RBMS1: variants seen among roughly 807,000 people sequenced by gnomAD.
RBMS1 encodes RNA-binding motif, single-stranded-interacting protein 1.
Under a neutral mutation model 62.3 loss-of-function variants are expected in RBMS1, and 17 were observed. The observed-to-expected ratio is 0.27, with a 90% CI of 0.19 to 0.41. The LOEUF is 0.41. RBMS1 is among the 10% of genes least tolerant of loss of function. The pLI is 1.00. For synonymous variants in RBMS1, 172 were observed against 170.0 expected (o/e 1.01, Z -0.09); for missense variants, 334 against 504.5 (o/e 0.66, Z 3.24).
At chr2:160,310,503 T>C (rs186518938) in intron 4 of RBMS1, among the ~76,000 whole-genome samples, 2 of 152,330 alleles carry the variant, frequency 1.3e-5, no homozygotes, top group African/African-American at 4.8e-5. Context: ...GGAGTTTGGC[T>C]ATGAAAAATT....
intron 3 of RBMS1, among the ~76,000 whole-genome samples, chr2:160,317,101 T>C (rs1175125498): frequency 6.6e-6 from 1 of 152,230 alleles, no homozygotes; most frequent in Non-Finnish European, 1.5e-5. Context: ...TAATGTGCCA[T>C]GTTGATTAAA....
chr2:160,361,270 C>T (rs1013404605), intron 2 of RBMS1, among the ~76,000 whole-genome samples: 1 of 152,240 alleles, frequency 6.6e-6, no homozygotes, highest in Non-Finnish European at 1.5e-5. Context: ...TTAAGATACC[C>T]GGCCTTGGCC....
intron 2 of RBMS1, among the ~76,000 whole-genome samples, chr2:160,327,842 A>C (rs1283385274): frequency 2.0e-5 from 3 of 152,196 alleles, no homozygotes; most frequent in African/African-American, 7.2e-5. Context: ...ATGAATGTCC[A>C]ACTTTTAAAG....
intron 1 of RBMS1, among the ~76,000 whole-genome samples, chr2:160,468,709 T>C (rs1348230045): frequency 6.6e-6 from 1 of 152,188 alleles, no homozygotes; most frequent in Non-Finnish European, 1.5e-5. Flanking sequence ...AACTTCATCT[T>C]GAAGGCTTTT....
intron 1 of RBMS1, among the ~76,000 whole-genome samples, chr2:160,405,111 C>G (rs1377081554): frequency 6.6e-6 from 1 of 152,106 alleles, no homozygotes; most frequent in African/African-American, 2.4e-5. Flanking sequence ...AGTTAATCTG[C>G]CAAAAACATT....
At chr2:160,315,986 T>C in intron 3 of RBMS1, among the ~76,000 whole-genome samples, 1 of 152,222 alleles carries the variant, frequency 6.6e-6, no homozygotes, top group East Asian at 1.9e-4. Context: ...CATTCCCATA[T>C]ATAAAGTCCT....
rs941153687 is a variant in RBMS1 at position 160,272,734 on chromosome 2, C to T, written c.*2038G>A. The T allele has an allele frequency of 6.6e-6, 1 of 152,110 alleles. No homozygotes were observed. The highest frequency in any genetic ancestry group is 2.4e-5 in the African/African-American group (1 of 41,392). 9.4% of individuals were successfully genotyped at this position (152,110 alleles called of 1,614,324 possible). On this transcript the variant is annotated 3_prime_UTR_variant, in exon 14 of 14. Transcript: ENST00000348849. Reference sequence around the variant, plus strand: ...TCCAGGGAGCATAGAACCAATAATACCACAACTTTAAAAAAATGAAACAAA... The same window carrying T: ...TCCAGGGAGCATAGAACCAATAATATCACAACTTTAAAAAAATGAAACAAA...
chr2:160,491,927 T>C (rs1685849182), intron 1 of RBMS1, among the ~76,000 whole-genome samples: 2 of 152,190 alleles, frequency 1.3e-5, no homozygotes, highest in South Asian at 2.1e-4. Context: ...AAAGTGGGAA[T>C]TGGGGGAAGT....
chr2:160,471,663 C>A (rs912442719), intron 1 of RBMS1, among the ~76,000 whole-genome samples: 3 of 96,746 alleles, frequency 3.1e-5, no homozygotes, highest in Admixed American at 1.4e-4. Context: ...AAAGTAGAGA[C>A]AAAATCATGT....
intron 4 of RBMS1, among the ~76,000 whole-genome samples, chr2:160,304,738 C>T (rs553376869): frequency 2.0e-5 from 3 of 152,232 alleles, no homozygotes; most frequent in South Asian, 2.1e-4. Context: ...TACTTTTGTA[C>T]AGCTGCATAA....
At chr2:160,371,711 A>T (rs1216047546) in intron 1 of RBMS1, among the ~76,000 whole-genome samples, 1 of 152,140 alleles carries the variant, frequency 6.6e-6, no homozygotes, top group Non-Finnish European at 1.5e-5. Context: ...GCACTCAGAG[A>T]GAACTTCCCG....
intron 1 of RBMS1, among the ~76,000 whole-genome samples, chr2:160,402,669 C>G (rs559194019): frequency 6.8e-4 from 103 of 152,242 alleles, no homozygotes; most frequent in Non-Finnish European, 1.4e-3. Flanking sequence ...CTTTGGGAGG[C>G]CAAGTAAAGG....
At position 160,373,561 on chromosome 2, in the gene RBMS1, G is replaced by T. The variant is rs536305296; in HGVS notation, c.76-6170C>A. Among the ~76,000 whole-genome samples, 10 of 152,162 alleles carry T rather than the reference G, an allele frequency of 6.6e-5. No individual in the cohort carries two copies. In the South Asian group the frequency reaches 2.1e-3, roughly 32 times the overall value. ...GCCAAGTTGCCCACTGAGAACTCTG[G>T]GCCAGGAAACACACAAGAGTTTTTG... On this transcript the variant is annotated intron_variant, in intron 1 of 13. Coordinates refer to ENST00000348849, the MANE Select transcript of RBMS1 (RefSeq NM_016836.4).
intron 4 of RBMS1, among the ~76,000 whole-genome samples, chr2:160,310,556 C>T (rs1262532131): frequency 2.0e-5 from 3 of 152,130 alleles, no homozygotes; most frequent in South Asian, 2.1e-4. Flanking sequence ...ACACCTGAAA[C>T]GAAAGAAGCT....
intron 5 of RBMS1, 136 bp from the exon 6 acceptor site, chr2:160,300,866 G>T: frequency 2.0e-6 from 2 of 995,774 alleles, no homozygotes; most frequent in Non-Finnish European, 2.7e-6. Flanking sequence ...ATGATAAAGG[G>T]TCTATTCTAC....
chr2:160,284,479 C>T, intron 9 of RBMS1: 1 of 385,960 alleles, frequency 2.6e-6, no homozygotes. Context: ...ATTTTTGGGA[C>T]ACATGGTGTC....
chr2:160,477,978 T>C (rs1284372611), intron 1 of RBMS1, among the ~76,000 whole-genome samples: 1 of 152,264 alleles, frequency 6.6e-6, no homozygotes, highest in East Asian at 1.9e-4. Context: ...AAAAATGTTT[T>C]GGCTCAGCAT....
chr2:160,481,377 A>AG (rs1685364817), intron 1 of RBMS1, among the ~76,000 whole-genome samples: 1 of 151,702 alleles, frequency 6.6e-6, no homozygotes, highest in Non-Finnish European at 1.5e-5. Flanking sequence ...AAAAGAAAAA[A>AG]ATTCACAATC....
At chr2:160,378,974 C>A (rs1694142519) in intron 1 of RBMS1, among the ~76,000 whole-genome samples, 1 of 152,204 alleles carries the variant, frequency 6.6e-6, no homozygotes, top group Non-Finnish European at 1.5e-5. Flanking sequence ...AATCCCAGCA[C>A]TTTGGGAGGC....
Sources: gnomAD v4.1 joint callset for allele counts (sites outside exome capture counted in the v4.1 genomes callset) on GRCh38, gnomAD v4.1.1 for gene constraint, MANE v1.5 for transcripts, NCBI Gene and HGNC (gene_info 2026-07-23, HGNC 2026-07-21) for gene names.